Variants in COLEC12 observed in about 807,000 individuals in gnomAD.
COLEC12 encodes the protein collectin subfamily member 12.
Under a neutral mutation model 71.1 loss-of-function variants are expected in COLEC12, and 33 were observed. The observed-to-expected ratio is 0.46, with a 90% CI of 0.35 to 0.62. The LOEUF is 0.62. COLEC12 is among the 20% of genes least tolerant of loss of function. COLEC12 has a pLI of 0.00. For synonymous variants in COLEC12, 350 were observed against 353.0 expected, an observed-to-expected ratio of 0.99 and a Z score of 0.10; for missense variants, 765 against 916.1, an observed-to-expected ratio of 0.84 and a Z score of 2.13.
chr18:333,000 G>A lies in COLEC12; in HGVS notation c.1953+7C>T. ...GTTTTCCCCAACCAAGTATGTGGCAGGCATACCTGTTCCTCTCTAGTGTTT... is the reference window on the plus strand; with the variant it reads ...GTTTTCCCCAACCAAGTATGTGGCAAGCATACCTGTTCCTCTCTAGTGTTT... On this transcript the variant is annotated splice_region_variant and intron_variant, in intron 7 of 9. Transcript: ENST00000400256. The A allele has an allele frequency of 7.0e-6, 11 of 1,569,316 alleles. No individual in the cohort carries two copies. The highest frequency in any genetic ancestry group is 9.5e-6 in the Non-Finnish European group (11 of 1,161,376).
At chr18:354,306 C>G (rs1906022705) in intron 3 of COLEC12, among the ~76,000 whole-genome samples, 1 of 152,222 alleles carries the variant, frequency 6.6e-6, no homozygotes, top group Admixed American at 6.5e-5. Flanking sequence ...GTCTGGGTGA[C>G]TGAGCGATTC....
Position 325,627 on chromosome 18 carries a change from C to CTTTTTTTTT in COLEC12, c.2064-3829_2064-3821dup, listed in dbSNP as rs760407917. ...TTACACCAAGAGTAAAAGGATCAGC[C>CTTTTTTTTT]TTTTTTTTTTTTTTTTTTTTTTTTT... is the stretch of plus-strand genomic sequence containing the variant. On this transcript the variant is annotated intron_variant, in intron 8 of 9. Coordinates refer to ENST00000400256, the MANE Select transcript of COLEC12 (RefSeq NM_130386.3). 5.0e-3 allele frequency among the ~76,000 whole-genome samples: 260 copies of CTTTTTTTTT among 51,840 alleles called. 46 individuals carry two copies. The highest frequency in any genetic ancestry group is 0.016 in the African/African-American group (190 of 11,702). The allele number at this position is 51,840 out of a possible 152,430, so 34.0% of individuals were successfully genotyped here.
chr18:317,835 C>G lies in COLEC12; in HGVS notation c.*2210G>C, dbSNP rs183538708. On this transcript the variant is annotated 3_prime_UTR_variant, in exon 10 of 10. Coordinates refer to ENST00000400256, the MANE Select transcript of COLEC12 (RefSeq NM_130386.3). ...AGGCCCAGAGGACTGTGGGTCCCACCTGCCTGACAGCAGGGCACACAGGTG... is the reference window on the plus strand; with the variant it reads ...AGGCCCAGAGGACTGTGGGTCCCACGTGCCTGACAGCAGGGCACACAGGTG... 6.6e-6 allele frequency: 1 copy of G among 152,260 alleles called. No homozygotes were observed. The highest frequency in any genetic ancestry group is 2.4e-5 in the African/African-American group (1 of 41,454). 9.4% of individuals were successfully genotyped at this position (152,260 alleles called of 1,614,324 possible). A position where few individuals can be genotyped will look rare whatever the true frequency, so the allele number is the denominator to read the frequency against.
At chr18:499,451 C>A (rs1917776615) in intron 1 of COLEC12, among the ~76,000 whole-genome samples, 1 of 152,208 alleles carries the variant, frequency 6.6e-6, no homozygotes, top group African/African-American at 2.4e-5. Flanking sequence ...TTTCCAAGCG[C>A]CTTGGGGCTT....
chr18:497,449 C>T lies in COLEC12; in HGVS notation c.7+3059G>A, dbSNP rs114933279. On this transcript the variant is annotated intron_variant, in intron 1 of 9. Transcript: ENST00000400256. The stretch of plus-strand genomic sequence containing the variant: ...GAGAGAGTCTTGCTTCTGTCACCTG[C>T]GCTGAAGTGCAGTGGCACGATCTCG... Among the ~76,000 whole-genome samples, 1,379 of 151,606 alleles carry T rather than the reference C, an allele frequency of 9.1e-3. 14 individuals carry two copies. The highest frequency in any genetic ancestry group is 0.032 in the African/African-American group (1,301 of 41,292).
At chr18:467,564 A>C (rs1316072209) in intron 2 of COLEC12, among the ~76,000 whole-genome samples, 1 of 152,258 alleles carries the variant, frequency 6.6e-6, no homozygotes, top group Non-Finnish European at 1.5e-5. Context: ...AAACAGATTA[A>C]TGAATTGAGA....
chr18:441,112 G>A lies in COLEC12; in HGVS notation c.58+39595C>T, dbSNP rs1375506465. Among the ~76,000 whole-genome samples, 7 of 25,442 alleles carry A rather than the reference G, an allele frequency of 2.8e-4. 1 individual carries two copies. Among genetic ancestry groups the A allele is most frequent in the Admixed American group, 1.1e-3 (2 of 1,816 alleles). The allele number at this position is 25,442 out of a possible 152,430, so 16.7% of individuals were successfully genotyped here. ...AAATACAAAAAATTGGCCAGGCGTGGTGGCGGGCGCCTGTAGTCCCAGCTG... is the reference window on the plus strand; with the variant it reads ...AAATACAAAAAATTGGCCAGGCGTGATGGCGGGCGCCTGTAGTCCCAGCTG... On this transcript the variant is annotated intron_variant, in intron 2 of 9. Coordinates refer to ENST00000400256, the MANE Select transcript of COLEC12 (RefSeq NM_130386.3).
intron 2 of COLEC12, among the ~76,000 whole-genome samples, chr18:361,114 A>G (rs915545629): frequency 6.6e-6 from 1 of 152,148 alleles, no homozygotes; most frequent in African/African-American, 2.4e-5. Context: ...GCTATTTTTC[A>G]TCATGATCAT....
chr18:482,903 G>T (rs769596940), intron 1 of COLEC12, among the ~76,000 whole-genome samples: 2 of 152,124 alleles, frequency 1.3e-5, no homozygotes, highest in African/African-American at 4.8e-5. Context: ...GTGAGCTACC[G>T]TGCCCACCCA....
chr18:417,086 G>A (rs1280570834), intron 2 of COLEC12, among the ~76,000 whole-genome samples: 1 of 146,724 alleles, frequency 6.8e-6, no homozygotes, highest in Non-Finnish European at 1.5e-5. Context: ...CTTAATGATA[G>A]GGAGATGTTC....
intron 2 of COLEC12, among the ~76,000 whole-genome samples, chr18:459,282 G>C (rs901098350): frequency 6.6e-6 from 1 of 152,196 alleles, no homozygotes; most frequent in African/African-American, 2.4e-5. Flanking sequence ...ATCTCCTTAA[G>C]ATTTGAAAGA....
chr18:418,524 T>C (rs905059404), intron 2 of COLEC12, among the ~76,000 whole-genome samples: 10 of 152,140 alleles, frequency 6.6e-5, no homozygotes, highest in African/African-American at 2.4e-4. Flanking sequence ...CATTCCCAGA[T>C]GGTTAAGGCA....
intron 5 of COLEC12, among the ~76,000 whole-genome samples, chr18:338,928 T>C (rs1914179713): frequency 6.6e-6 from 1 of 152,220 alleles, no homozygotes; most frequent in African/African-American, 2.4e-5. Flanking sequence ...ATAATGAAGA[T>C]GGCATATTGG....
rs539179777 is a variant in COLEC12, at chr18:327,970, G to A, written c.2063+3698C>T. 6.6e-6 allele frequency among the ~76,000 whole-genome samples: 1 copy of A among 152,176 alleles called. No individual in the cohort carries two copies. Among genetic ancestry groups the A allele is most frequent in the Non-Finnish European group, 1.5e-5 (1 of 68,004 alleles). Reference sequence around the variant, plus strand: ...GATTGCTACTTCAATCTCCTTCTTTGTTATTAGGCTGGCCAGGCTATTTCT... The same window carrying A: ...GATTGCTACTTCAATCTCCTTCTTTATTATTAGGCTGGCCAGGCTATTTCT... On this transcript the variant is annotated intron_variant, in intron 8 of 9. Coordinates refer to ENST00000400256, the MANE Select transcript of COLEC12 (RefSeq NM_130386.3). This position sits in a 1 kb window ranked among gnomAD's most constrained non-coding sequence, Gnocchi z 4.0.
intron 2 of COLEC12, among the ~76,000 whole-genome samples, chr18:441,172 C>T (rs1348813447): frequency 4.7e-5 from 7 of 148,524 alleles, no homozygotes; most frequent in African/African-American, 9.9e-5. Flanking sequence ...GGCGTGAACC[C>T]GGGAGGCGGA....
intron 2 of COLEC12, among the ~76,000 whole-genome samples, chr18:402,003 C>T (rs1915696743): frequency 6.6e-6 from 1 of 152,188 alleles, no homozygotes; most frequent in African/African-American, 2.4e-5. Flanking sequence ...CTTCAGAACT[C>T]CTTCCAGGCT....
At chr18:387,264 T>C (rs771941283) in intron 2 of COLEC12, among the ~76,000 whole-genome samples, 5 of 152,196 alleles carry the variant, frequency 3.3e-5, no homozygotes, top group Non-Finnish European at 5.9e-5. Context: ...TTTTAAAGTG[T>C]CTTTTGCATC....
intron 2 of COLEC12, among the ~76,000 whole-genome samples, chr18:456,368 G>C (rs894495942): frequency 6.6e-6 from 1 of 152,188 alleles, no homozygotes; most frequent in Non-Finnish European, 1.5e-5. Context: ...GCACTGGGGA[G>C]TTAGGGCCAA....
intron 2 of COLEC12, among the ~76,000 whole-genome samples, chr18:465,581 A>T (rs563749087): frequency 1.3e-5 from 2 of 152,338 alleles, no homozygotes; most frequent in South Asian, 4.1e-4. Flanking sequence ...TTACAGGAAG[A>T]AAGTAACCTG....
Sources: gnomAD v4.1 joint callset for allele counts (sites outside exome capture counted in the v4.1 genomes callset) on GRCh38, gnomAD v4.1.1 for gene constraint, Gnocchi (gnomAD v3.1) non-coding constraint, MANE v1.5 for transcripts, NCBI Gene and HGNC (gene_info 2026-07-23, HGNC 2026-07-21) for gene names.